GRID2: variants seen among roughly 807,000 people sequenced by gnomAD.
The protein encoded by GRID2 is glutamate receptor ionotropic, delta-2.
In GRID2, 33 loss-of-function variants were observed where a neutral mutation model predicts 114.8. The ratio of observed to expected loss-of-function variants is 0.29; its 90% CI spans 0.22 to 0.38. The LOEUF (loss-of-function observed/expected upper bound fraction) is 0.38, where lower values mean the gene tolerates loss of function less well. Among genes scored for constraint, GRID2 ranks in the 10% least tolerant of loss-of-function variants. The probability of loss-of-function intolerance (pLI) is 1.00; values close to 1 mark genes in which losing one functional copy is unlikely to be tolerated. For missense variants in GRID2, 1,184 were observed against 1,257.7 expected, an observed-to-expected ratio of 0.94 and a Z score of 0.89; for synonymous variants, 505 against 449.9, an observed-to-expected ratio of 1.12 and a Z score of -1.55.
chr4:93,703,458 T>C (rs1012370110), intron 14 of GRID2, among the ~76,000 whole-genome samples: 4 of 152,150 alleles, frequency 2.6e-5, no homozygotes, highest in African/African-American at 9.6e-5. Context: ...TCATTGACTG[T>C]AGTCACCCTG....
chr4:93,312,147 T>C (rs1192885723), intron 8 of GRID2, among the ~76,000 whole-genome samples: 1 of 152,184 alleles, frequency 6.6e-6, no homozygotes, highest in African/African-American at 2.4e-5. Context: ...TTTCATTTAC[T>C]ATAATCAGCA....
At chr4:92,404,869 G>A (rs1402249603) in intron 1 of GRID2, among the ~76,000 whole-genome samples, 2 of 152,094 alleles carry the variant, frequency 1.3e-5, no homozygotes, top group African/African-American at 2.4e-5. Context: ...AACACACACT[G>A]GGGCCTGTTG....
At chr4:92,623,819 C>A (rs1015364485) in intron 2 of GRID2, among the ~76,000 whole-genome samples, 9 of 151,804 alleles carry the variant, frequency 5.9e-5, no homozygotes, top group African/African-American at 1.7e-4. Flanking sequence ...TTCAAAAAAA[C>A]TTTATGAATG....
intron 2 of GRID2, among the ~76,000 whole-genome samples, chr4:92,661,326 A>G (rs13143245): frequency 0.41 from 61,675 of 150,566 alleles, 13,313 homozygotes; most frequent in African/African-American, 0.55. Flanking sequence ...AAAATCTAAC[A>G]TCTAATGTAA....
chr4:93,010,274 T>C (rs2078103765), intron 2 of GRID2, among the ~76,000 whole-genome samples: 1 of 152,124 alleles, frequency 6.6e-6, no homozygotes, highest in African/African-American at 2.4e-5. Flanking sequence ...TTCTTTTAAA[T>C]ATTTATATCA....
intron 1 of GRID2, among the ~76,000 whole-genome samples, chr4:92,540,648 T>C (rs1725892249): frequency 6.6e-6 from 1 of 152,142 alleles, no homozygotes; most frequent in African/African-American, 2.4e-5. Flanking sequence ...AAACAACAGG[T>C]GCTGGAGAGG....
chr4:93,598,313 C>A (rs1268388679), intron 13 of GRID2, among the ~76,000 whole-genome samples: 2 of 152,096 alleles, frequency 1.3e-5, no homozygotes, highest in Non-Finnish European at 2.9e-5. Context: ...GCTGCTATCC[C>A]TCCCCCCATA....
At chr4:93,631,383 A>C (rs1038916197) in intron 14 of GRID2, among the ~76,000 whole-genome samples, 7 of 152,268 alleles carry the variant, frequency 4.6e-5, no homozygotes, top group Admixed American at 1.3e-4. Context: ...ACCCTAGGAC[A>C]GGACCTGGTG....
intron 2 of GRID2, among the ~76,000 whole-genome samples, chr4:92,769,944 T>C (rs547526046): frequency 3.3e-5 from 5 of 152,348 alleles, no homozygotes; most frequent in African/African-American, 4.8e-5. Flanking sequence ...GGCTTCTCAT[T>C]ACTTATGCAA....
intron 8 of GRID2, among the ~76,000 whole-genome samples, chr4:93,391,726 A>G (rs1159933649): frequency 6.6e-6 from 1 of 152,186 alleles, no homozygotes; most frequent in Non-Finnish European, 1.5e-5. Flanking sequence ...AGCCCATGGC[A>G]AATAAGAAGT....
chr4:93,374,737 T>A (rs1358254072), intron 8 of GRID2, among the ~76,000 whole-genome samples: 1 of 152,164 alleles, frequency 6.6e-6, no homozygotes, highest in African/African-American at 2.4e-5. Flanking sequence ...AATCATATTG[T>A]AGATATTTGT....
intron 1 of GRID2, among the ~76,000 whole-genome samples, chr4:92,403,193 T>C (rs1730869930): frequency 6.6e-6 from 1 of 152,200 alleles, no homozygotes; most frequent in Non-Finnish European, 1.5e-5. Context: ...TTATTTTCTA[T>C]CCAGACCACC....
intron 8 of GRID2, among the ~76,000 whole-genome samples, chr4:93,388,619 C>T (rs1458411890): frequency 1.3e-5 from 2 of 152,124 alleles, no homozygotes; most frequent in Non-Finnish European, 2.9e-5. Context: ...TTCTGGTAGG[C>T]CACATCCAAA....
intron 13 of GRID2, among the ~76,000 whole-genome samples, chr4:93,624,577 GATC>G (rs1240029801): frequency 1.3e-5 from 2 of 151,988 alleles, no homozygotes; most frequent in Non-Finnish European, 2.9e-5. Flanking sequence ...TCTATTGAAA[GATC>G]ATTTAAAAAT....
chr4:93,469,700 C>A (rs1724622303), intron 11 of GRID2, among the ~76,000 whole-genome samples: 2 of 151,992 alleles, frequency 1.3e-5, no homozygotes, highest in African/African-American at 2.4e-5. Flanking sequence ...TAGGTTCAAC[C>A]ACAGTAGGAA....
intron 12 of GRID2, among the ~76,000 whole-genome samples, chr4:93,508,942 A>G (rs1034764118): frequency 6.6e-6 from 1 of 152,218 alleles, no homozygotes; most frequent in Non-Finnish European, 1.5e-5. Flanking sequence ...CACCTGTGAT[A>G]CAGCCAGGAA....
rs188016557 is a variant in GRID2 at position 93,490,652 on chromosome 4, G to C, written c.1872G>C (p.Pro624=). 6 of 1,608,012 alleles carry C rather than the reference G, an allele frequency of 3.7e-6. No individual in the cohort carries two copies. Among genetic ancestry groups the C allele is most frequent in the Non-Finnish European group, 4.3e-6 (5 of 1,175,534 alleles). Residue 624 remains proline (P), a synonymous_variant, in exon 12 of 16, where the codon CCG becomes CCC. Transcript: ENST00000282020. ...TTCTTTCTACAGGCGGGGAAGTCCC[G>C]TACACGACTCTGGCTACCCGAATGA... The part of the protein sequence containing the change: ...GSFVQQGGEV[P]YTTLATRMMM...
intron 2 of GRID2, among the ~76,000 whole-genome samples, chr4:92,851,972 T>C (rs1743841814): frequency 6.6e-6 from 1 of 151,922 alleles, no homozygotes; most frequent in Non-Finnish European, 1.5e-5. Context: ...TAGAGTCCTT[T>C]TGTTAAGAAA....
In GRID2 at chr4:93,282,373, G is replaced by A. The variant is rs145232318; in HGVS notation, c.1245+43883G>A. 910 of 447,858 alleles carry A rather than the reference G, an allele frequency of 2.0e-3. 10 individuals carry two copies. Among genetic ancestry groups the A allele is most frequent in the African/African-American group, 0.016 (782 of 49,552 alleles). 27.7% of individuals were successfully genotyped at this position (447,858 alleles called of 1,614,324 possible). ...TATAAAATACATAACTTTATTTATT[G>A]TAGTTCTAGAGACTGGGAAGTTCAA... is the stretch of plus-strand genomic sequence containing the variant. On this transcript the variant is annotated intron_variant, in intron 8 of 15. Coordinates refer to ENST00000282020, the MANE Select transcript of GRID2 (RefSeq NM_001510.4).
Sources: allele counts gnomAD v4.1 joint callset (sites outside exome capture counted in the v4.1 genomes callset), GRCh38; gene constraint gnomAD v4.1.1; transcripts MANE v1.5; gene names NCBI Gene and HGNC (gene_info 2026-07-23, HGNC 2026-07-21).